Variants in SCFD2 observed in about 807,000 individuals in gnomAD.
The protein encoded by SCFD2 is sec1 family domain-containing protein 2.
A neutral mutation model predicts 58.9 loss-of-function variants in SCFD2; 54 were observed. That is an observed-to-expected ratio of 0.92 (90% CI 0.74 to 1.15). The LOEUF (loss-of-function observed/expected upper bound fraction) is 1.15, where lower values mean the gene tolerates loss of function less well. Among genes scored for constraint, SCFD2 ranks in the 50% most tolerant of loss-of-function variants. The pLI is 0.00. For missense variants in SCFD2, 805 were observed against 836.6 expected (o/e 0.96, Z 0.47); for synonymous variants, 321 against 335.9 (o/e 0.96, Z 0.49).
chr4:53,016,829 C>A (rs2148811172), intron 5 of SCFD2, among the ~76,000 whole-genome samples: 1 of 152,204 alleles, frequency 6.6e-6, no homozygotes. Flanking sequence ...CAAGATCTGG[C>A]CAGGTGCGGT....
intron 6 of SCFD2, among the ~76,000 whole-genome samples, chr4:52,910,744 T>C (rs962825581): frequency 1.3e-5 from 2 of 152,156 alleles, no homozygotes; most frequent in Non-Finnish European, 2.9e-5. Context: ...AGGAGGGACC[T>C]GGTGGGAGGT....
chr4:53,340,028 C>A (rs935771552), intron 2 of SCFD2, among the ~76,000 whole-genome samples: 4 of 152,144 alleles, frequency 2.6e-5, no homozygotes, highest in Admixed American at 6.5e-5. Flanking sequence ...GTCTACAGTT[C>A]CCAGTGAGAG....
intron 5 of SCFD2, among the ~76,000 whole-genome samples, chr4:53,046,493 G>A (rs1005907680): frequency 3.9e-5 from 6 of 152,040 alleles, no homozygotes; most frequent in South Asian, 4.2e-4. Flanking sequence ...GGAATTACAG[G>A]TGTGAGCCAC....
At chr4:52,897,703 T>C (rs530509188) in intron 7 of SCFD2, among the ~76,000 whole-genome samples, 1 of 152,170 alleles carries the variant, frequency 6.6e-6, no homozygotes, top group Non-Finnish European at 1.5e-5. Flanking sequence ...TCTTTTTCTA[T>C]TGACTGGAAT....
At chr4:52,878,208 A>C (rs1718524832) in intron 8 of SCFD2, among the ~76,000 whole-genome samples, 2 of 152,212 alleles carry the variant, frequency 1.3e-5, no homozygotes, top group African/African-American at 4.8e-5. Context: ...CCTGACACAT[A>C]GCAGGTCTTT....
chr4:53,307,385 T>C (rs1433443298), intron 3 of SCFD2, among the ~76,000 whole-genome samples: 5 of 152,212 alleles, frequency 3.3e-5, no homozygotes, highest in Non-Finnish European at 5.9e-5. Flanking sequence ...TCTGAGCTTG[T>C]AGCTCTGTAG....
intron 3 of SCFD2, among the ~76,000 whole-genome samples, chr4:53,305,218 C>T (rs1732475719): frequency 6.6e-6 from 1 of 152,032 alleles, no homozygotes; most frequent in Non-Finnish European, 1.5e-5. Flanking sequence ...AAAATCATTG[C>T]CAACGCCAGT....
chr4:53,180,556 T>A (rs1401874000), intron 4 of SCFD2, among the ~76,000 whole-genome samples: 2 of 151,600 alleles, frequency 1.3e-5, no homozygotes, highest in Non-Finnish European at 2.9e-5. Context: ...GCAGGAAAGA[T>A]CTAAAATTGA....
chr4:53,123,322 C>T (rs1725534187), intron 5 of SCFD2, among the ~76,000 whole-genome samples: 1 of 152,140 alleles, frequency 6.6e-6, no homozygotes, highest in Non-Finnish European at 1.5e-5. Flanking sequence ...AAAGATTAGG[C>T]TGTGTACATA....
At chr4:53,162,428 T>C (rs1026927565) in intron 4 of SCFD2, among the ~76,000 whole-genome samples, 4 of 152,090 alleles carry the variant, frequency 2.6e-5, no homozygotes, top group Non-Finnish European at 4.4e-5. Context: ...AAATGGCCAG[T>C]AAAAAAGGCC....
chr4:52,902,510 C>G (rs1217085772), intron 7 of SCFD2, among the ~76,000 whole-genome samples: 2 of 152,228 alleles, frequency 1.3e-5, no homozygotes, highest in Non-Finnish European at 2.9e-5. Flanking sequence ...ATTCACCCAA[C>G]AATTAGGCTT....
intron 3 of SCFD2, among the ~76,000 whole-genome samples, chr4:53,276,769 AGTGGGCT>A (rs911874563): frequency 6.6e-6 from 1 of 152,202 alleles, no homozygotes; most frequent in African/African-American, 2.4e-5. Flanking sequence ...TGATTTCCAA[AGTGGGCT>A]GTACCACCAG....
At chr4:52,975,489 T>C (rs1156423515) in intron 5 of SCFD2, among the ~76,000 whole-genome samples, 1 of 152,146 alleles carries the variant, frequency 6.6e-6, no homozygotes, top group Non-Finnish European at 1.5e-5. Flanking sequence ...TCACACCAGT[T>C]AGAATGGTGA....
chr4:52,975,986 A>G (rs1721250606), intron 5 of SCFD2, among the ~76,000 whole-genome samples: 1 of 133,352 alleles, frequency 7.5e-6, no homozygotes, highest in Non-Finnish European at 1.6e-5. Flanking sequence ...GAACACATGG[A>G]CACAGGAAGC....
At chr4:53,094,330 C>T (rs1378494551) in intron 5 of SCFD2, among the ~76,000 whole-genome samples, 1 of 152,070 alleles carries the variant, frequency 6.6e-6, no homozygotes, top group Non-Finnish European at 1.5e-5. Flanking sequence ...TCTAGAAGTC[C>T]AAGATCAAGG....
At chr4:53,015,182 A>G (rs1162483714) in intron 5 of SCFD2, among the ~76,000 whole-genome samples, 2 of 152,168 alleles carry the variant, frequency 1.3e-5, no homozygotes, top group African/African-American at 2.4e-5. Flanking sequence ...AGGTAATTTT[A>G]ACAGAGTAAA....
chr4:53,359,448 T>G (rs1438354081), intron 1 of SCFD2, among the ~76,000 whole-genome samples: 1 of 152,200 alleles, frequency 6.6e-6, no homozygotes, highest in African/African-American at 2.4e-5. Flanking sequence ...CTAACAATTT[T>G]CAAATCACCT....
intron 2 of SCFD2, among the ~76,000 whole-genome samples, chr4:53,333,155 T>C (rs1293356814): frequency 4.6e-5 from 6 of 130,658 alleles, no homozygotes; most frequent in South Asian, 2.7e-4. Context: ...ATCAATATCA[T>C]GAAAATGGCC....
At chr4:53,322,430 A>G (rs914515257) in intron 2 of SCFD2, among the ~76,000 whole-genome samples, 2 of 152,148 alleles carry the variant, frequency 1.3e-5, no homozygotes, top group Non-Finnish European at 2.9e-5. Context: ...GGCACAAATA[A>G]TCCACCCTTA....
Sources: allele counts gnomAD v4.1 joint callset (sites outside exome capture counted in the v4.1 genomes callset), GRCh38; gene constraint gnomAD v4.1.1; transcripts MANE v1.5; gene names NCBI Gene and HGNC (gene_info 2026-07-23, HGNC 2026-07-21).